Variants in CCNYL1 observed in about 807,000 individuals in gnomAD.
CCNYL1 encodes cyclin Y like 1.
CCNYL1 carries 16 observed loss-of-function variants against 44.2 expected under a neutral mutation model. The observed-to-expected ratio is 0.36, with a 90% CI of 0.25 to 0.55. The LOEUF (loss-of-function observed/expected upper bound fraction) is 0.55. Among genes scored for constraint, CCNYL1 ranks in the 20% least tolerant of loss-of-function variants. CCNYL1 has a pLI of 0.85. For missense variants in CCNYL1, 348 were observed against 451.8 expected, an observed-to-expected ratio of 0.77 and a Z score of 2.08; for synonymous variants, 159 against 163.2, an observed-to-expected ratio of 0.97 and a Z score of 0.20.
At chr2:207,727,458 C>A (rs1168730774) in intron 3 of CCNYL1, among the ~76,000 whole-genome samples, 4 of 152,100 alleles carry the variant, frequency 2.6e-5, no homozygotes, top group African/African-American at 9.7e-5. Flanking sequence ...ACGTCTCTTC[C>A]TAGCCTCCAC....
rs559386235 is a variant in CCNYL1, at chr2:207,755,415, T to C, written c.*1717T>C. On this transcript the variant is annotated 3_prime_UTR_variant, in exon 10 of 10. Coordinates refer to ENST00000295414, the MANE Select transcript of CCNYL1 (RefSeq NM_001330218.2). ...AGAAGAAAAATGTTCAGACAAGGTTTTGTAAAGGTTTGTAGCATTTATATT... is the reference window on the plus strand; with the variant it reads ...AGAAGAAAAATGTTCAGACAAGGTTCTGTAAAGGTTTGTAGCATTTATATT... The C allele has an allele frequency of 6.6e-6, 1 of 152,246 alleles. No individual in the cohort carries two copies. Among genetic ancestry groups the C allele is most frequent in the South Asian group, 2.1e-4 (1 of 4,820 alleles). The allele number at this position is 152,246 out of a possible 1,614,324, so 9.4% of individuals were successfully genotyped here. A position where few individuals can be genotyped will look rare whatever the true frequency, so the allele number is the denominator to read the frequency against.
intron 6 of CCNYL1, among the ~76,000 whole-genome samples, chr2:207,741,532 G>A (rs754274337): frequency 3.3e-5 from 5 of 152,132 alleles, no homozygotes; most frequent in Non-Finnish European, 5.9e-5. Context: ...GGGCTCAAAC[G>A]TCAACACTGC....
intron 5 of CCNYL1, 121 bp from the exon 6 acceptor site, chr2:207,740,534 G>C (rs1263256769): frequency 2.9e-6 from 2 of 694,884 alleles, no homozygotes; most frequent in African/African-American, 3.6e-5. Context: ...ACAACTCTTT[G>C]CTTTGGTGAA....
chr2:207,726,801 A>T, intron 2 of CCNYL1, 41 bp from the exon 3 acceptor site: 1 of 1,424,692 alleles, frequency 7.0e-7, no homozygotes, highest in Non-Finnish European at 9.7e-7. Context: ...ATACTGTGGC[A>T]TTTGTATCAG....
At chr2:207,747,894 G>T (rs2091865362) in intron 8 of CCNYL1, among the ~76,000 whole-genome samples, 1 of 152,056 alleles carries the variant, frequency 6.6e-6, no homozygotes, top group Non-Finnish European at 1.5e-5. Context: ...GCCAGTTCAA[G>T]CTCCTTTCTC....
chr2:207,750,180 G>T (rs1481371288), intron 8 of CCNYL1, among the ~76,000 whole-genome samples: 1 of 152,142 alleles, frequency 6.6e-6, no homozygotes, highest in Non-Finnish European at 1.5e-5. Flanking sequence ...TTTAAGTCCA[G>T]TGACCTACCA....
intron 2 of CCNYL1, among the ~76,000 whole-genome samples, chr2:207,725,288 G>A (rs886878473): frequency 1.3e-4 from 20 of 151,984 alleles, no homozygotes; most frequent in African/African-American, 4.4e-4. Flanking sequence ...CACCATGTCC[G>A]GCTAATTTTT....
intron 7 of CCNYL1, among the ~76,000 whole-genome samples, chr2:207,742,579 T>C (rs1253220127): frequency 6.6e-6 from 1 of 152,174 alleles, no homozygotes; most frequent in Non-Finnish European, 1.5e-5. Context: ...AGATTTCTGG[T>C]TTCTCCCCCT....
Position 207,737,541 on chromosome 2 carries a change from A to G in CCNYL1, c.467+95A>G. On this transcript the variant is annotated intron_variant, in intron 5 of 9. Transcript: ENST00000295414. ...GTCATAACTATAGACATCATAAGCT[A>G]TAGATTGCTATTACAGTATTGAACT... 5.1e-6 allele frequency: 5 copies of G among 976,578 alleles called. No homozygotes were observed. In the South Asian group the frequency reaches 7.5e-5, roughly 15 times the overall value. 60.5% of individuals were successfully genotyped at this position (976,578 alleles called of 1,614,324 possible).
chr2:207,715,522 G>A (rs868781753), intron 1 of CCNYL1, among the ~76,000 whole-genome samples: 2 of 151,026 alleles, frequency 1.3e-5, no homozygotes, highest in Non-Finnish European at 2.9e-5. Flanking sequence ...TGGGATTACA[G>A]GCATATGCCA....
chr2:207,735,875 A>G (rs1232669905), intron 4 of CCNYL1, among the ~76,000 whole-genome samples: 1 of 152,000 alleles, frequency 6.6e-6, no homozygotes, highest in Admixed American at 6.6e-5. Flanking sequence ...AAAAAAAAAC[A>G]AAACAAAACA....
intron 1 of CCNYL1, among the ~76,000 whole-genome samples, chr2:207,721,571 T>G (rs1369638323): frequency 6.6e-6 from 1 of 152,226 alleles, no homozygotes; most frequent in Non-Finnish European, 1.5e-5. Context: ...AATTTTTTTT[T>G]GTCTTACTTG....
chr2:207,750,561 A>AG (rs1292093869), intron 8 of CCNYL1: 1 of 155,106 alleles, frequency 6.4e-6, no homozygotes, highest in Non-Finnish European at 1.4e-5. Context: ...TCCTGTTATC[A>AG]GCCTGGTGAA....
At position 207,739,632 on chromosome 2, in the gene CCNYL1, T is replaced by C. The variant is rs138209973; in HGVS notation, c.468-1023T>C. ...GCTCACAATTAAATCACAAGTGCTT[T>C]TCCTTAACACAACTCTACCTCGGTA... On this transcript the variant is annotated intron_variant, in intron 5 of 9. Transcript: ENST00000295414. Among the ~76,000 whole-genome samples the C allele has an allele frequency of 9.3e-4, 142 of 152,382 alleles. 1 individual carries two copies. The highest frequency in any genetic ancestry group is 3.4e-3 in the Middle Eastern group (1 of 294).
chr2:207,743,929 A>G (rs552096816), intron 7 of CCNYL1, among the ~76,000 whole-genome samples: 1 of 152,000 alleles, frequency 6.6e-6, no homozygotes, highest in African/African-American at 2.4e-5. Context: ...GAGTGTTGGG[A>G]TTACAGACGT....
At chr2:207,739,202 T>C (rs2091789310) in intron 5 of CCNYL1, among the ~76,000 whole-genome samples, 2 of 152,128 alleles carry the variant, frequency 1.3e-5, no homozygotes, top group Admixed American at 1.3e-4. Flanking sequence ...GTTATTTTCT[T>C]GAAGTGACAG....
At chr2:207,747,597 G>A (rs1488612321) in intron 8 of CCNYL1, among the ~76,000 whole-genome samples, 2 of 152,170 alleles carry the variant, frequency 1.3e-5, no homozygotes, top group Non-Finnish European at 2.9e-5. Flanking sequence ...TGCCTAGGCT[G>A]GAGTGCAGTG....
At chr2:207,712,804 C>T (rs2091561820) in intron 1 of CCNYL1, among the ~76,000 whole-genome samples, 1 of 152,014 alleles carries the variant, frequency 6.6e-6, no homozygotes, top group South Asian at 2.1e-4. Context: ...AGGTTATTAC[C>T]AGGGGTGCAG....
At position 207,736,939 on chromosome 2, in the gene CCNYL1, G is replaced by A. The variant is rs2091769818; in HGVS notation, c.432-472G>A. ...CTGGGTTTTTTTTTTTTTTTGAGAC[G>A]GAGTCTCGCTCTGTCGCCCAGGCTG... On this transcript the variant is annotated intron_variant, in intron 4 of 9. Transcript: ENST00000295414. 3.4e-5 allele frequency among the ~76,000 whole-genome samples: 5 copies of A among 148,054 alleles called. No individual in the cohort carries two copies. The South Asian group carries it at 8.5e-4, about 25-fold the overall frequency.
Sources: allele counts gnomAD v4.1 joint callset (sites outside exome capture counted in the v4.1 genomes callset), GRCh38; gene constraint gnomAD v4.1.1; transcripts MANE v1.5; gene names NCBI Gene and HGNC (gene_info 2026-07-23, HGNC 2026-07-21).